Variants in TMEM245 observed in about 807,000 individuals in gnomAD.
TMEM245 encodes protein CG-2.
Under a neutral mutation model 101.2 loss-of-function variants are expected in TMEM245, and 69 were observed. The ratio of observed to expected loss-of-function variants is 0.68; its 90% CI spans 0.56 to 0.83. The LOEUF (loss-of-function observed/expected upper bound fraction) is 0.83. Ranked by LOEUF, TMEM245 falls within the 40% of genes least tolerant of loss-of-function variation. TMEM245 has a pLI of 0.00. For missense variants in TMEM245, 1,075 were observed against 1,092.8 expected (o/e 0.98, Z 0.23); for synonymous variants, 537 against 449.8 (o/e 1.19, Z -2.45).
At chr9:109,083,917 A>AAAAAAAAC (rs1829753235) in intron 7 of TMEM245, among the ~76,000 whole-genome samples, 1 of 136,358 alleles carries the variant, frequency 7.3e-6, no homozygotes, top group Non-Finnish European at 1.6e-5. Context: ...AAAAAAAAAA[A>AAAAAAAAC]AAAAAAAAAA....
At chr9:109,078,527 T>C (rs923173234) in intron 8 of TMEM245, among the ~76,000 whole-genome samples, 3 of 152,356 alleles carry the variant, frequency 2.0e-5, no homozygotes, top group East Asian at 1.9e-4. Flanking sequence ...TATAAAAGTA[T>C]TGTTTGAGAT....
At position 109,021,597 on chromosome 9, in the gene TMEM245, C is replaced by T. The variant is rs1379129349; in HGVS notation, c.2595-1092G>A. 2.6e-5 allele frequency among the ~76,000 whole-genome samples: 4 copies of T among 152,188 alleles called. No homozygotes were observed. In the East Asian group the frequency reaches 7.7e-4, roughly 29 times the overall value. On this transcript the variant is annotated intron_variant, in intron 17 of 17. Coordinates refer to ENST00000374586, the MANE Select transcript of TMEM245 (RefSeq NM_032012.4). ...TGGTGCTATCTCAGCTCACTGCAACCTCTGCCTCCCAGGCTCAAGCCATCC... is the reference window on the plus strand; with the variant it reads ...TGGTGCTATCTCAGCTCACTGCAACTTCTGCCTCCCAGGCTCAAGCCATCC...
intron 17 of TMEM245, among the ~76,000 whole-genome samples, chr9:109,025,338 T>G (rs1262123303): frequency 6.6e-6 from 1 of 152,216 alleles, no homozygotes; most frequent in Non-Finnish European, 1.5e-5. Context: ...ACCAAAGTGC[T>G]GGGATTACAG....
rs1828122236 is a variant in TMEM245, at chr9:109,036,348, G to A, written c.2257C>T (p.Leu753=). 6 of 1,611,102 alleles carry A rather than the reference G, an allele frequency of 3.7e-6. No individual in the cohort carries two copies. The African/African-American group carries it at 8.0e-5, about 22-fold the overall frequency. The change falls in exon 16 of 18, where the codon CTG becomes TTG. Residue 753 remains leucine, a synonymous_variant. Transcript: ENST00000374586. ...LAAILGAVPF[L]GTYWAAVPAV... Reference sequence around the variant, plus strand: ...GGTACTGCTGCCCAGTATGTCCCCAGGAATGGCACTGCTCCAAGGATTGCT... The same window carrying A: ...GGTACTGCTGCCCAGTATGTCCCCAAGAATGGCACTGCTCCAAGGATTGCT...
intron 10 of TMEM245, among the ~76,000 whole-genome samples, chr9:109,064,101 AC>A (rs1311820541): frequency 6.6e-6 from 1 of 152,240 alleles, no homozygotes; most frequent in Non-Finnish European, 1.5e-5. Flanking sequence ...AGAAAAAAAA[AC>A]AAATATTAAA....
At chr9:109,060,500 C>G (rs367909777) in intron 10 of TMEM245, 48 bp from the exon 11 acceptor site, 9 of 1,354,592 alleles carry the variant, frequency 6.6e-6, no homozygotes, top group Non-Finnish European at 9.4e-6. Flanking sequence ...CAGGCAACAA[C>G]AGAGTAAAAT....
At chr9:109,086,684 C>T (rs1251001465) in intron 6 of TMEM245, among the ~76,000 whole-genome samples, 1 of 152,172 alleles carries the variant, frequency 6.6e-6, no homozygotes, top group Non-Finnish European at 1.5e-5. Context: ...TGCTCTTTAA[C>T]CACTAAGGCT....
At chr9:109,020,876 T>C (rs1315992532) in intron 17 of TMEM245, among the ~76,000 whole-genome samples, 3 of 152,176 alleles carry the variant, frequency 2.0e-5, no homozygotes, top group Admixed American at 2.0e-4. Flanking sequence ...ATGATTGATG[T>C]TAAAGAGGAA....
intron 17 of TMEM245, among the ~76,000 whole-genome samples, chr9:109,027,974 A>G (rs1426300763): frequency 6.6e-6 from 1 of 151,302 alleles, no homozygotes; most frequent in Non-Finnish European, 1.5e-5. Flanking sequence ...GACCCACCGC[A>G]CCCGGCCATG....
At position 109,057,287 on chromosome 9, in the gene TMEM245, C is replaced by T. The variant is rs1828868188; in HGVS notation, c.1758G>A (p.Lys586=). The T allele has an allele frequency of 6.2e-7, 1 of 1,613,982 alleles. No homozygotes were observed. Among genetic ancestry groups the T allele is most frequent in the Non-Finnish European group, 8.5e-7 (1 of 1,179,970 alleles). The change falls in exon 12 of 18, where the codon AAG becomes AAA. Residue 586 remains lysine (K), a synonymous_variant. Transcript: ENST00000374586. ...VTHSGRHKGQ[K]LHVSRQNSWL... ...AGCTATTCTGACGACTGACATGCAA[C>T]TTCTGTCCTTTGTGCCTTCCAGAGT...
chr9:109,091,056 C>A lies in TMEM245; in HGVS notation c.1016G>T (p.Arg339Met), dbSNP rs747782537. ...TSPSPTLGRR[R>M]PEIGTFLRKK... ...TCTAAGAAACGTTCCTATTTCAGGC[C>A]TTCGTCTGCCCAGAGTAGGTGAAGG... Residue 339 changes from arginine to methionine, a missense_variant, in exon 5 of 18, where the codon AGG becomes ATG. Coordinates refer to ENST00000374586, the MANE Select transcript of TMEM245 (RefSeq NM_032012.4). 5.0e-6 allele frequency: 8 copies of A among 1,614,122 alleles called. No individual in the cohort carries two copies. The South Asian group carries it at 8.8e-5, about 18-fold the overall frequency.
At chr9:109,097,030 A>G (rs1830159236) in intron 3 of TMEM245, among the ~76,000 whole-genome samples, 1 of 152,244 alleles carries the variant, frequency 6.6e-6, no homozygotes, top group Non-Finnish European at 1.5e-5. Context: ...GCTAATGTAA[A>G]GTAAGTGTAA....
chr9:109,119,807 G>A lies in TMEM245; in HGVS notation c.107C>T (p.Thr36Ile). The stretch of plus-strand genomic sequence containing the variant: ...CAGCGCCAGCGCCGCGGTCCGCGGG[G>A]TCTCCCCGCCACCGCCACTCGGCCC... ...AVGPSGGGGE[T>I]PRTAALALRF... Residue 36 changes from threonine (T) to isoleucine (I), a missense_variant, in exon 1 of 18, where the codon ACC (threonine) becomes ATC (isoleucine). Physicochemically the swap from Thr to Ile is moderately conservative, Grantham distance 89. Transcript: ENST00000374586. 3 of 1,452,454 alleles carry A rather than the reference G, an allele frequency of 2.1e-6. No homozygotes were observed. The East Asian group carries it at 9.0e-5, about 44-fold the overall frequency. 90.0% of individuals were successfully genotyped at this position (1,452,454 alleles called of 1,614,324 possible). A position where few individuals can be genotyped will look rare whatever the true frequency, so the allele number is the denominator to read the frequency against.
chr9:109,087,831 C>G (rs1829885432), intron 5 of TMEM245, among the ~76,000 whole-genome samples: 1 of 152,140 alleles, frequency 6.6e-6, no homozygotes, highest in Non-Finnish European at 1.5e-5. Context: ...GATTTTGTAC[C>G]ACTGCAGAGT....
intron 1 of TMEM245, among the ~76,000 whole-genome samples, chr9:109,114,469 T>C (rs943980132): frequency 5.3e-5 from 8 of 152,042 alleles, no homozygotes; most frequent in Non-Finnish European, 8.8e-5. Context: ...CCTCACTTTA[T>C]GCAATTGGGA....
At chr9:109,086,747 A>C (rs1829851013) in intron 6 of TMEM245, among the ~76,000 whole-genome samples, 2 of 152,276 alleles carry the variant, frequency 1.3e-5, no homozygotes, top group Middle Eastern at 3.4e-3. Context: ...TTTCCCCAAT[A>C]AACAAGGCTT....
chr9:109,025,080 G>T (rs1221697400), intron 17 of TMEM245, among the ~76,000 whole-genome samples: 1 of 152,192 alleles, frequency 6.6e-6, no homozygotes, highest in African/African-American at 2.4e-5. Context: ...TCAAGTAACA[G>T]AAAGTAAATC....
In TMEM245 at chr9:109,033,326, A is replaced by G. The variant is rs927326683; in HGVS notation, c.2575T>C (p.Trp859Arg). 3.1e-6 allele frequency: 5 copies of G among 1,611,748 alleles called. No homozygotes were observed. The highest frequency in any genetic ancestry group is 3.4e-6 in the Non-Finnish European group (4 of 1,178,882). The change falls in exon 17 of 18, where the codon TGG (tryptophan) becomes CGG (arginine). Residue 859 changes from tryptophan to arginine, a missense_variant. This residue lies in a region of TMEM245 where 267 missense variants were observed against 351.3 expected (regional missense o/e 0.76). Transcript: ENST00000374586. The stretch of plus-strand genomic sequence containing the variant: ...ACTCACCGCTGAGGCTGAGCAGGCC[A>G]TGGGGTCTGGTTTGGCGTGGGAACT... ...NSVPTPNQTP[W>R]PAQPQRTFRD...
intron 7 of TMEM245, among the ~76,000 whole-genome samples, chr9:109,084,080 A>T (rs1218357723): frequency 1.1e-5 from 1 of 94,320 alleles, no homozygotes; most frequent in Non-Finnish European, 2.3e-5. Context: ...TCCTGTCTCA[A>T]ATTTAAAAAA....
Sources: allele counts gnomAD v4.1 joint callset (sites outside exome capture counted in the v4.1 genomes callset), GRCh38; gene constraint gnomAD v4.1.1; regional missense constraint gnomAD v4.1.1; transcripts MANE v1.5; gene names NCBI Gene and HGNC (gene_info 2026-07-23, HGNC 2026-07-21).